PRKAR2A: variants seen among roughly 807,000 people sequenced by gnomAD.
PRKAR2A encodes the protein cAMP-dependent protein kinase type II-alpha regulatory subunit.
PRKAR2A carries 29 observed loss-of-function variants against 51.9 expected under a neutral mutation model. The ratio of observed to expected loss-of-function variants is 0.56; its 90% CI spans 0.42 to 0.76. The LOEUF (loss-of-function observed/expected upper bound fraction) is 0.76. Among genes scored for constraint, PRKAR2A ranks in the 30% least tolerant of loss-of-function variants. The pLI is 0.00. For synonymous variants in PRKAR2A, 178 were observed against 186.2 expected, an observed-to-expected ratio of 0.96 and a Z score of 0.36; for missense variants, 445 against 512.1, an observed-to-expected ratio of 0.87 and a Z score of 1.26.
At chr3:48,823,947 C>T (rs1237197687) in intron 1 of PRKAR2A, among the ~76,000 whole-genome samples, 1 of 152,120 alleles carries the variant, frequency 6.6e-6, no homozygotes, top group Non-Finnish European at 1.5e-5. Context: ...AGGGCCAGGG[C>T]CGGGTATGGT....
chr3:48,823,786 CAAAAAAAA>C (rs911139872), intron 1 of PRKAR2A, among the ~76,000 whole-genome samples: 6 of 63,920 alleles, frequency 9.4e-5, no homozygotes, highest in Non-Finnish European at 1.9e-4. Context: ...ACCCCGTCTC[CAAAAAAAA>C]AAAAAAAAGA....
chr3:48,746,803 C>A lies in PRKAR2A; in HGVS notation c.*4782G>T, dbSNP rs990551028. ...GATTAAAACAGATTAAAATAAAATT[C>A]ACTCCAAGAATTTAAAAAATAATTC... is the stretch of plus-strand genomic sequence containing the variant. On this transcript the variant is annotated 3_prime_UTR_variant, in exon 11 of 11. Coordinates refer to ENST00000265563, the MANE Select transcript of PRKAR2A (RefSeq NM_004157.4). 1 of 152,154 alleles carries A rather than the reference C, an allele frequency of 6.6e-6. No individual in the cohort carries two copies. Among genetic ancestry groups the A allele is most frequent in the African/African-American group, 2.4e-5 (1 of 41,450 alleles). The allele number at this position is 152,154 out of a possible 1,614,324, so 9.4% of individuals were successfully genotyped here.
At chr3:48,769,594 G>C (rs1357340531) in intron 6 of PRKAR2A, among the ~76,000 whole-genome samples, 1 of 151,772 alleles carries the variant, frequency 6.6e-6, no homozygotes, top group Non-Finnish European at 1.5e-5. Flanking sequence ...CTCCTGCCTT[G>C]GCTTCCAGAG....
At chr3:48,834,467 GT>G (rs1411733325) in intron 1 of PRKAR2A, among the ~76,000 whole-genome samples, 1 of 152,166 alleles carries the variant, frequency 6.6e-6, no homozygotes, top group Non-Finnish European at 1.5e-5. Flanking sequence ...GGGCGCAGTG[GT>G]TCATGACTGT....
intron 1 of PRKAR2A, among the ~76,000 whole-genome samples, chr3:48,815,892 G>A (rs1392637884): frequency 1.1e-4 from 16 of 151,116 alleles, no homozygotes; most frequent in Admixed American, 7.3e-4. Flanking sequence ...GGTGGCACGC[G>A]CCTGTAATCC....
intron 1 of PRKAR2A, among the ~76,000 whole-genome samples, chr3:48,827,957 C>T (rs995800783): frequency 3.9e-5 from 6 of 152,026 alleles, no homozygotes; most frequent in Non-Finnish European, 5.9e-5. Flanking sequence ...CTCCACCTCT[C>T]GGGTTCAAGT....
chr3:48,760,326 C>T (rs2081844801), intron 8 of PRKAR2A, among the ~76,000 whole-genome samples: 1 of 152,030 alleles, frequency 6.6e-6, no homozygotes, highest in African/African-American at 2.4e-5. Context: ...CATTGCACTC[C>T]AGCCTGGACA....
intron 1 of PRKAR2A, among the ~76,000 whole-genome samples, chr3:48,808,023 T>C (rs1161533683): frequency 2.0e-5 from 3 of 151,766 alleles, no homozygotes; most frequent in African/African-American, 7.2e-5. Flanking sequence ...TATAAAGTAG[T>C]GAAATTTTCT....
chr3:48,793,610 C>T (rs773556928), intron 3 of PRKAR2A, among the ~76,000 whole-genome samples: 3 of 152,168 alleles, frequency 2.0e-5, no homozygotes, highest in Non-Finnish European at 4.4e-5. Flanking sequence ...TCTCCTGCCT[C>T]AGGCTCCTAA....
chr3:48,825,587 T>C (rs564926146), intron 1 of PRKAR2A, among the ~76,000 whole-genome samples: 8 of 152,004 alleles, frequency 5.3e-5, no homozygotes, highest in Non-Finnish European at 1.2e-4. Flanking sequence ...AAGGTTGCAG[T>C]GAGCCAAGAC....
At chr3:48,809,258 C>T (rs1030823357) in intron 1 of PRKAR2A, among the ~76,000 whole-genome samples, 6 of 151,932 alleles carry the variant, frequency 3.9e-5, no homozygotes, top group African/African-American at 1.5e-4. Flanking sequence ...GGCTTATGAA[C>T]AGAAGGAAAA....
chr3:48,843,571 C>A (rs1559656010), intron 1 of PRKAR2A, among the ~76,000 whole-genome samples: 1 of 152,148 alleles, frequency 6.6e-6, no homozygotes, highest in Non-Finnish European at 1.5e-5. Flanking sequence ...CATCATGCTA[C>A]CTGACTTCAA....
chr3:48,783,178 T>C (rs1445393309), intron 4 of PRKAR2A, 86 bp from the exon 5 acceptor site: 8 of 867,564 alleles, frequency 9.2e-6, no homozygotes, highest in Admixed American at 2.0e-5. Context: ...TTTGTGACTA[T>C]GTAACAGAAG....
Position 48,750,592 on chromosome 3 carries a change from C to A in PRKAR2A, c.*993G>T, listed in dbSNP as rs2081632602. On this transcript the variant is annotated 3_prime_UTR_variant, in exon 11 of 11. Transcript: ENST00000265563. ...TCAATGGCAAAGCTACACAACAACT[C>A]TGGAGTAGAAGGAAAGAACTCTCTT... 1 of 152,416 alleles carries A rather than the reference C, an allele frequency of 6.6e-6. No individual in the cohort carries two copies. Among genetic ancestry groups the A allele is most frequent in the Non-Finnish European group, 1.5e-5 (1 of 68,038 alleles). 9.4% of individuals were successfully genotyped at this position (152,416 alleles called of 1,614,324 possible).
intron 1 of PRKAR2A, among the ~76,000 whole-genome samples, chr3:48,837,054 C>CA (rs943602061): frequency 5.9e-5 from 9 of 151,872 alleles, no homozygotes; most frequent in African/African-American, 2.2e-4. Flanking sequence ...CTTGAGCCTG[C>CA]AAGGGTTAGG....
At chr3:48,828,520 A>C (rs1189051872) in intron 1 of PRKAR2A, among the ~76,000 whole-genome samples, 1 of 151,868 alleles carries the variant, frequency 6.6e-6, no homozygotes, top group Non-Finnish European at 1.5e-5. Context: ...AAAGTTCAAG[A>C]CCAACCAAGG....
At chr3:48,811,395 A>C (rs2082767981) in intron 1 of PRKAR2A, among the ~76,000 whole-genome samples, 1 of 152,150 alleles carries the variant, frequency 6.6e-6, no homozygotes, top group African/African-American at 2.4e-5. Context: ...GGATGGCTTG[A>C]GCCTGGGAGG....
chr3:48,833,011 G>A (rs546510147), intron 1 of PRKAR2A, among the ~76,000 whole-genome samples: 2 of 152,220 alleles, frequency 1.3e-5, no homozygotes, highest in African/African-American at 4.8e-5. Flanking sequence ...AAGTGCATTT[G>A]ATCCTTCCAA....
chr3:48,815,359 T>A (rs947160667), intron 1 of PRKAR2A, among the ~76,000 whole-genome samples: 5 of 151,014 alleles, frequency 3.3e-5, no homozygotes, highest in African/African-American at 1.2e-4. Context: ...TATATATGAC[T>A]TAGCTCATAC....
Sources: gnomAD v4.1 joint callset for allele counts (sites outside exome capture counted in the v4.1 genomes callset) on GRCh38, gnomAD v4.1.1 for gene constraint, MANE v1.5 for transcripts, NCBI Gene and HGNC (gene_info 2026-07-23, HGNC 2026-07-21) for gene names.